The following COL5A1 variants were observed in gnomAD, a reference collection of about 807,000 sequenced individuals.
COL5A1 encodes the protein collagen type V alpha 1 chain, also known as collagen alpha-1(V) chain.
COL5A1 carries 16 observed loss-of-function variants against 263.7 expected under a neutral mutation model. The ratio of observed to expected loss-of-function variants is 0.06; its 90% CI spans 0.04 to 0.09. The LOEUF is 0.09. Ranked by LOEUF, COL5A1 falls within the 10% of genes least tolerant of loss-of-function variation. COL5A1 has a pLI of 1.00. For missense variants in COL5A1, 2,036 were observed against 2,540.5 expected, an observed-to-expected ratio of 0.80 and a Z score of 4.27; for synonymous variants, 1,012 against 1,004.5, an observed-to-expected ratio of 1.01 and a Z score of -0.14.
At chr9:134,674,701 C>T (rs746512434) in intron 1 of COL5A1, among the ~76,000 whole-genome samples, 6 of 152,238 alleles carry the variant, frequency 3.9e-5, no homozygotes, top group Non-Finnish European at 7.4e-5. Flanking sequence ...GCCTAGCCAA[C>T]GTGGCAAAAC....
rs374148611 is a variant in COL5A1 at position 134,835,223 on chromosome 9, G to A, written c.5370+19G>A. The A allele has an allele frequency of 2.8e-5, 45 of 1,603,986 alleles. No homozygotes were observed. The highest frequency in any genetic ancestry group is 1.9e-4 in the South Asian group (17 of 90,690). ...CTGTGCTGTGAGTATCCCGCGCCGC[G>A]CCCAGCACCCCTGCTCACGCCTCCG... On this transcript the variant is annotated intron_variant, in intron 65 of 65. Coordinates refer to ENST00000371817, the MANE Select transcript of COL5A1 (RefSeq NM_000093.5).
rs1588475762 is a variant in COL5A1 at position 134,727,172 on chromosome 9, C to T, written c.655-94C>T. The T allele has an allele frequency of 9.4e-6, 13 of 1,378,324 alleles. No homozygotes were observed. In the African/African-American group the frequency reaches 1.3e-4, roughly 14 times the overall value. The allele number at this position is 1,378,324 out of a possible 1,614,324, so 85.4% of individuals were successfully genotyped here. Reference sequence around the variant, plus strand: ...AGCTCGTCTTGTGGCTTGGTCTGGACTTTCCCCTGCTTCAAGGCATGGGGC... The same window carrying T: ...AGCTCGTCTTGTGGCTTGGTCTGGATTTTCCCCTGCTTCAAGGCATGGGGC... On this transcript the variant is annotated intron_variant, in intron 4 of 65. Transcript: ENST00000371817.
At chr9:134,752,798 C>T (rs574586852) in intron 14 of COL5A1, among the ~76,000 whole-genome samples, 153 bp downstream of exon 14, 1 of 152,070 alleles carries the variant, frequency 6.6e-6, no homozygotes, top group African/African-American at 2.4e-5. Flanking sequence ...GCCAGGGGGA[C>T]CAGGGGCCTC....
In COL5A1 at chr9:134,757,397, C is replaced by T. The variant is rs1051602831; in HGVS notation, c.1881+579C>T. ...TCCTCGCCTCTTGGAAGCATTTGTCCCAGGCCACGGGGGGCAGGGGAGATA... is the reference window on the plus strand; with the variant it reads ...TCCTCGCCTCTTGGAAGCATTTGTCTCAGGCCACGGGGGGCAGGGGAGATA... On this transcript the variant is annotated intron_variant, in intron 17 of 65. Coordinates refer to ENST00000371817, the MANE Select transcript of COL5A1 (RefSeq NM_000093.5). The surrounding 1 kb of genome is among the most constrained non-coding windows in gnomAD (Gnocchi z 6.2). Among the ~76,000 whole-genome samples the T allele has an allele frequency of 1.9e-4, 29 of 152,138 alleles. No homozygotes were observed. Among genetic ancestry groups the T allele is most frequent in the African/African-American group, 7.0e-4 (29 of 41,432 alleles).
intron 26 of COL5A1, 33 bp downstream of exon 26, chr9:134,772,867 CATCCAGGTGGGGCGG>C (rs755406116): frequency 6.2e-7 from 1 of 1,610,560 alleles, no homozygotes; most frequent in East Asian, 2.2e-5. Context: ...TACCCTTCAG[CATCCAGGTGGGGCGG>C]GTCCAGGTGC....
rs552582694 is a variant in COL5A1, at chr9:134,834,162, G to A, written c.5137-809G>A. ...TAAGACCTCCTCCTCTCACCCCCAG[G>A]GAACCTAATGCCCCTCTCTGGCCCT... On this transcript the variant is annotated intron_variant, in intron 64 of 65. Transcript: ENST00000371817. Among the ~76,000 whole-genome samples the A allele has an allele frequency of 1.2e-4, 19 of 152,262 alleles. No individual in the cohort carries two copies. The East Asian group carries it at 3.7e-3, about 29-fold the overall frequency.
intron 39 of COL5A1, 34 bp downstream of exon 39, chr9:134,803,029 C>G (rs373642043): frequency 4.0e-6 from 6 of 1,511,634 alleles, no homozygotes; most frequent in Non-Finnish European, 4.5e-6. Context: ...TCAGCTCAGG[C>G]GTTTCCTCAG....
At position 134,682,013 on chromosome 9, in the gene COL5A1, C is replaced by G. The variant is rs1269955059; in HGVS notation, c.110-8899C>G. 1.3e-5 allele frequency among the ~76,000 whole-genome samples: 2 copies of G among 152,124 alleles called. No homozygotes were observed. Among genetic ancestry groups the G allele is most frequent in the Non-Finnish European group, 2.9e-5 (2 of 68,016 alleles). ...TCCCCACAGCTGCCTTCCCCGAACC[C>G]CTGATCCCCAGCTCATTCTATCAAG... On this transcript the variant is annotated intron_variant, in intron 1 of 65. Coordinates refer to ENST00000371817, the MANE Select transcript of COL5A1 (RefSeq NM_000093.5). This position sits in a 1 kb window ranked among gnomAD's most constrained non-coding sequence, Gnocchi z 5.1.
intron 18 of COL5A1, among the ~76,000 whole-genome samples, chr9:134,761,336 GT>G (rs1836432938): frequency 6.6e-6 from 1 of 152,118 alleles, no homozygotes; most frequent in Non-Finnish European, 1.5e-5. Context: ...CCACTGCTCT[GT>G]TGATTGCTCC....
chr9:134,756,829 C>T lies in COL5A1; in HGVS notation c.1881+11C>T. ...CAAACTGGCCCCAAGGTAGGTCACCCACCACCCTCCTGGTGCCCTGGCATC... is the reference window on the plus strand; with the variant it reads ...CAAACTGGCCCCAAGGTAGGTCACCTACCACCCTCCTGGTGCCCTGGCATC... On this transcript the variant is annotated intron_variant, in intron 17 of 65. Coordinates refer to ENST00000371817, the MANE Select transcript of COL5A1 (RefSeq NM_000093.5). 1.2e-6 allele frequency: 2 copies of T among 1,613,466 alleles called. No individual in the cohort carries two copies. The highest frequency in any genetic ancestry group is 1.7e-6 in the Non-Finnish European group (2 of 1,179,494).
chr9:134,805,164 G>T lies in COL5A1; in HGVS notation c.3208G>T (p.Ala1070Ser), dbSNP rs770568153. 2 of 1,614,054 alleles carry T rather than the reference G, an allele frequency of 1.2e-6. No homozygotes were observed. Among genetic ancestry groups the T allele is most frequent in the Admixed American group, 3.3e-5 (2 of 60,028 alleles). The change falls in exon 41 of 66, where the codon GCT (alanine) becomes TCT (serine). Residue 1070 changes from alanine to serine, a missense_variant. By Grantham distance (99) the Ala-to-Ser change is moderately conservative (BLOSUM62 1). Around this residue, in one of 3 missense-constraint regions of COL5A1, gnomAD observed 1,078 missense variants for 1,521.4 expected, o/e 0.71. Coordinates refer to ENST00000371817, the MANE Select transcript of COL5A1 (RefSeq NM_000093.5). ...CAACCTTTTCATGGCTTTGCAGGGA[G>T]CTCTTGGACTGAAAGGCAATGAAGG... Reference protein sequence around the residue: ...GDRGLPGPVGALGLKGNEGPP... With the variant: ...GDRGLPGPVGSLGLKGNEGPP...
intron 58 of COL5A1, 54 bp downstream of exon 58, chr9:134,820,277 C>T (rs1390761883): frequency 7.0e-7 from 1 of 1,426,212 alleles, no homozygotes; most frequent in Non-Finnish European, 9.9e-7. Context: ...TTTTAGATCC[C>T]TGGGGCAGGC....
At chr9:134,808,842 C>T (rs1838402181) in intron 42 of COL5A1, 1 of 395,246 alleles carries the variant, frequency 2.5e-6, no homozygotes, top group Admixed American at 3.8e-5. Flanking sequence ...CGGTCACTAG[C>T]TTAGACAATC....
In COL5A1 at chr9:134,758,190, G is replaced by T; in HGVS notation, c.1882-53G>T. ...ATCACTTGGTGGACACCAAGGCGGGGTGTCCACGTGTGCAGGGTGGCGTCT... is the reference window on the plus strand; with the variant it reads ...ATCACTTGGTGGACACCAAGGCGGGTTGTCCACGTGTGCAGGGTGGCGTCT... On this transcript the variant is annotated intron_variant, in intron 17 of 65. Coordinates refer to ENST00000371817, the MANE Select transcript of COL5A1 (RefSeq NM_000093.5). This position sits in a 1 kb window ranked among gnomAD's most constrained non-coding sequence, Gnocchi z 4.1. 6.3e-7 allele frequency: 1 copy of T among 1,598,538 alleles called. No individual in the cohort carries two copies. The highest frequency in any genetic ancestry group is 8.6e-7 in the Non-Finnish European group (1 of 1,166,432).
At chr9:134,657,163 G>C (rs1588410403) in intron 1 of COL5A1, among the ~76,000 whole-genome samples, 1 of 66,944 alleles carries the variant, frequency 1.5e-5, no homozygotes, top group East Asian at 6.0e-4. Context: ...AGATAATATG[G>C]GGGTTGGGGC....
chr9:134,655,153 G>C (rs1272665555), intron 1 of COL5A1, among the ~76,000 whole-genome samples: 2 of 151,188 alleles, frequency 1.3e-5, no homozygotes, highest in Non-Finnish European at 3.0e-5. Context: ...GAGGTGTGTA[G>C]GGCTGGTGTG....
At chr9:134,643,685 G>A (rs1452448487) in intron 1 of COL5A1, among the ~76,000 whole-genome samples, 1 of 152,164 alleles carries the variant, frequency 6.6e-6, no homozygotes, top group Non-Finnish European at 1.5e-5. Context: ...TTCTCCAGGG[G>A]TTAGCTGAAG....
At chr9:134,795,522 T>A (rs984745377) in intron 34 of COL5A1, among the ~76,000 whole-genome samples, 1 of 151,768 alleles carries the variant, frequency 6.6e-6, no homozygotes, top group African/African-American at 2.4e-5. Flanking sequence ...CTGAGAACGA[T>A]GGTCATGAGA....
At position 134,794,271 on chromosome 9, in the gene COL5A1, A is replaced by G. The variant is rs1351447199; in HGVS notation, c.2701-811A>G. On this transcript the variant is annotated intron_variant, in intron 32 of 65. Coordinates refer to ENST00000371817, the MANE Select transcript of COL5A1 (RefSeq NM_000093.5). This position sits in a 1 kb window ranked among gnomAD's most constrained non-coding sequence, Gnocchi z 4.3. ...GGGAGGCGGAGGTTGCAGTCAGCCA[A>G]GATCACACCATTGCATTCATTCCAG... 6.6e-6 allele frequency among the ~76,000 whole-genome samples: 1 copy of G among 152,056 alleles called. No homozygotes were observed. Among genetic ancestry groups the G allele is most frequent in the African/African-American group, 2.4e-5 (1 of 41,382 alleles).
Sources: allele counts gnomAD v4.1 joint callset (sites outside exome capture counted in the v4.1 genomes callset), GRCh38; gene constraint gnomAD v4.1.1; regional missense constraint gnomAD v4.1.1; non-coding constraint Gnocchi (gnomAD v3.1); transcripts MANE v1.5; gene names NCBI Gene and HGNC (gene_info 2026-07-23, HGNC 2026-07-21).